Variants in RAPGEF1 observed in about 807,000 individuals in gnomAD.
The protein encoded by RAPGEF1 is Rap guanine nucleotide exchange factor 1.
RAPGEF1 carries 33 observed loss-of-function variants against 143.3 expected under a neutral mutation model. That is an observed-to-expected ratio of 0.23 (90% CI 0.17 to 0.31). The LOEUF (loss-of-function observed/expected upper bound fraction) is 0.31, where lower values mean the gene tolerates loss of function less well. RAPGEF1 is among the 10% of genes least tolerant of loss of function. The probability of loss-of-function intolerance (pLI) is 1.00; values close to 1 mark genes in which losing one functional copy is unlikely to be tolerated. For missense variants in RAPGEF1, 1,199 were observed against 1,645.4 expected (o/e 0.73, Z 4.69); for synonymous variants, 629 against 676.5 (o/e 0.93, Z 1.09).
chr9:131,711,631 T>A (rs964000569), intron 1 of RAPGEF1, among the ~76,000 whole-genome samples: 1 of 152,260 alleles, frequency 6.6e-6, no homozygotes, highest in African/African-American at 2.4e-5. Flanking sequence ...GTGCTGGGAT[T>A]ACAGGCGTGA....
intron 12 of RAPGEF1, among the ~76,000 whole-genome samples, chr9:131,611,905 T>C (rs1958069535): frequency 6.6e-6 from 1 of 152,212 alleles, no homozygotes; most frequent in South Asian, 2.1e-4. Flanking sequence ...AATGTTAATC[T>C]AACGCTGTAT....
intron 1 of RAPGEF1, among the ~76,000 whole-genome samples, chr9:131,736,035 T>C (rs968608833): frequency 6.6e-6 from 1 of 152,202 alleles, no homozygotes; most frequent in African/African-American, 2.4e-5. Flanking sequence ...AATGTCTTTA[T>C]TGGAAGATAT....
intron 1 of RAPGEF1, among the ~76,000 whole-genome samples, chr9:131,681,936 T>C (rs1423163225): frequency 6.6e-6 from 1 of 152,200 alleles, no homozygotes; most frequent in Admixed American, 6.5e-5. Context: ...GGATATAGTG[T>C]TGCAGTTATT....
At position 131,628,794 on chromosome 9, in the gene RAPGEF1, C is replaced by G; in HGVS notation, c.894-122G>C. ...AGACTCTCCACACCCAATGTTCACA[C>G]TTCAACTCCTGCCTACTCCCCTCCG... On this transcript the variant is annotated intron_variant, in intron 7 of 26. Coordinates refer to ENST00000683357, the MANE Select transcript of RAPGEF1 (RefSeq NM_001377935.1). This position sits in a 1 kb window ranked among gnomAD's most constrained non-coding sequence, Gnocchi z 5.7. The G allele has an allele frequency of 2.3e-6, 3 of 1,324,186 alleles. No homozygotes were observed. Among genetic ancestry groups the G allele is most frequent in the Non-Finnish European group, 3.1e-6 (3 of 973,670 alleles). The allele number at this position is 1,324,186 out of a possible 1,614,324, so 82.0% of individuals were successfully genotyped here. A position where few individuals can be genotyped will look rare whatever the true frequency, so the allele number is the denominator to read the frequency against.
At position 131,580,511 on chromosome 9, in the gene RAPGEF1, A is replaced by C. The variant is rs1489708935; in HGVS notation, c.3513-120T>G. ...AGCTTCCAAACCCCAGAGCAAACCA[A>C]AGAGCCAGTCTGAGGTGTCTGTTTC... On this transcript the variant is annotated intron_variant, in intron 25 of 26. Coordinates refer to ENST00000683357, the MANE Select transcript of RAPGEF1 (RefSeq NM_001377935.1). The C allele has an allele frequency of 5.7e-6, 7 of 1,223,404 alleles. No individual in the cohort carries two copies. The Admixed American group carries it at 7.0e-5, about 12-fold the overall frequency. The allele number at this position is 1,223,404 out of a possible 1,614,324, so 75.8% of individuals were successfully genotyped here.
chr9:131,663,334 C>A (rs1029626804), intron 1 of RAPGEF1, among the ~76,000 whole-genome samples: 1 of 152,192 alleles, frequency 6.6e-6, no homozygotes, highest in Non-Finnish European at 1.5e-5. Flanking sequence ...CTGTCTCTCT[C>A]CTAGGAACAA....
chr9:131,674,446 ATC>A (rs1831945149), intron 1 of RAPGEF1, among the ~76,000 whole-genome samples: 1 of 152,166 alleles, frequency 6.6e-6, no homozygotes, highest in Admixed American at 6.5e-5. Flanking sequence ...AGGAGCTCAG[ATC>A]TCTGTGTTAT....
At chr9:131,661,002 C>T (rs892527798) in intron 1 of RAPGEF1, among the ~76,000 whole-genome samples, 6 of 152,212 alleles carry the variant, frequency 3.9e-5, no homozygotes, top group African/African-American at 1.4e-4. Flanking sequence ...TGAGCTACCA[C>T]CACAAACATG....
Position 131,621,832 on chromosome 9 carries a change from G to C in RAPGEF1, c.1869C>G (p.Ala623=). 6.2e-7 allele frequency: 1 copy of C among 1,610,536 alleles called. No individual in the cohort carries two copies. The highest frequency in any genetic ancestry group is 8.5e-7 in the Non-Finnish European group (1 of 1,178,516). Residue 623 remains alanine, a synonymous_variant, in exon 11 of 27, where the codon GCC becomes GCG. Transcript: ENST00000683357. This position sits in a 1 kb window ranked among gnomAD's most constrained non-coding sequence, Gnocchi z 4.5. ...FSGVDSVQEL[A]PPPALPPKQR... Reference sequence around the variant, plus strand: ...GCTTGGGGGGTAGGGCGGGCGGCGGGGCCAGCTCCTGCACGGAGTCCACCC... The same window carrying C: ...GCTTGGGGGGTAGGGCGGGCGGCGGCGCCAGCTCCTGCACGGAGTCCACCC...
chr9:131,690,075 G>A (rs761275743), intron 1 of RAPGEF1, among the ~76,000 whole-genome samples: 8 of 152,114 alleles, frequency 5.3e-5, no homozygotes, highest in Non-Finnish European at 1.2e-4. Flanking sequence ...AAGAAATGGT[G>A]CTCATGTACA....
Position 131,628,083 on chromosome 9 carries a change from T to G in RAPGEF1, c.1031A>C (p.Asp344Ala). 6.5e-7 allele frequency: 1 copy of G among 1,546,478 alleles called. No individual in the cohort carries two copies. The highest frequency in any genetic ancestry group is 8.7e-7 in the Non-Finnish European group (1 of 1,145,424). ...VGINRQDFDV[D>A]CYAQRRLSGG... ...TGACAGTCGCCTCTGTGCGTAACAGTCAACATCAAAATCCTCAAGTGGAAA... is the reference window on the plus strand; with the variant it reads ...TGACAGTCGCCTCTGTGCGTAACAGGCAACATCAAAATCCTCAAGTGGAAA... Residue 344 changes from aspartate to alanine, a missense_variant, in exon 9 of 27, where the codon GAC becomes GCC. By Grantham distance (126) the Asp-to-Ala change is moderately radical (BLOSUM62 -2). Coordinates refer to ENST00000683357, the MANE Select transcript of RAPGEF1 (RefSeq NM_001377935.1). The surrounding 1 kb of genome is among the most constrained non-coding windows in gnomAD (Gnocchi z 5.7).
At position 131,628,699 on chromosome 9, in the gene RAPGEF1, G is replaced by A. The variant is rs1335554638; in HGVS notation, c.894-27C>T. On this transcript the variant is annotated intron_variant, in intron 7 of 26. Transcript: ENST00000683357. This position sits in a 1 kb window ranked among gnomAD's most constrained non-coding sequence, Gnocchi z 5.7. ...TGAAACAGACCGAAACGTCCAGGCA[G>A]ACCAAACCACACTCACCAAAGCTCT... 4 of 1,571,980 alleles carry A rather than the reference G, an allele frequency of 2.5e-6. No homozygotes were observed. Among genetic ancestry groups the A allele is most frequent in the Non-Finnish European group, 3.5e-6 (4 of 1,153,526 alleles).
intron 14 of RAPGEF1, among the ~76,000 whole-genome samples, chr9:131,602,941 T>G (rs567209309): frequency 1.3e-5 from 2 of 152,274 alleles, no homozygotes; most frequent in South Asian, 2.1e-4. Context: ...AGTGTCACAG[T>G]GGAGGGAGAG....
intron 1 of RAPGEF1, among the ~76,000 whole-genome samples, chr9:131,715,252 C>T (rs1016708334): frequency 3.3e-5 from 5 of 152,080 alleles, no homozygotes; most frequent in Admixed American, 2.0e-4. Context: ...TTAGTTATCC[C>T]GGTGATCAGT....
At position 131,739,837 on chromosome 9, in the gene RAPGEF1, C is replaced by T; in HGVS notation, c.-7G>A. On this transcript the variant is annotated 5_prime_UTR_variant, in exon 1 of 27. Coordinates refer to ENST00000683357, the MANE Select transcript of RAPGEF1 (RefSeq NM_001377935.1). ...GGCCGAGGCCGCCGCTCATCGGGCC[C>T]GGGCCGGGCCGCCGCGGGGCGACAG... 9.7e-7 allele frequency: 1 copy of T among 1,031,252 alleles called. No homozygotes were observed. Among genetic ancestry groups the T allele is most frequent in the Non-Finnish European group, 1.2e-6 (1 of 863,738 alleles). 63.9% of individuals were successfully genotyped at this position (1,031,252 alleles called of 1,614,324 possible). A position where few individuals can be genotyped will look rare whatever the true frequency, so the allele number is the denominator to read the frequency against.
chr9:131,654,672 AG>A (rs1381819591), intron 1 of RAPGEF1, among the ~76,000 whole-genome samples: 1 of 152,256 alleles, frequency 6.6e-6, no homozygotes, highest in African/African-American at 2.4e-5. Flanking sequence ...CCTGGGCAAC[AG>A]AGCGAGACCC....
chr9:131,650,375 G>C lies in RAPGEF1; in HGVS notation c.202-133C>G. 4.5e-6 allele frequency: 3 copies of C among 661,156 alleles called. No individual in the cohort carries two copies. The highest frequency in any genetic ancestry group is 7.7e-6 in the Non-Finnish European group (3 of 388,524). 41.0% of individuals were successfully genotyped at this position (661,156 alleles called of 1,614,324 possible). On this transcript the variant is annotated intron_variant, in intron 2 of 26. Coordinates refer to ENST00000683357, the MANE Select transcript of RAPGEF1 (RefSeq NM_001377935.1). This position sits in a 1 kb window ranked among gnomAD's most constrained non-coding sequence, Gnocchi z 4.7. ...GGCCCTGCTGAGGCCACTAACTCTT[G>C]AGGACATCTTTGGCTGTGTCTCAAG...
intron 12 of RAPGEF1, among the ~76,000 whole-genome samples, chr9:131,609,822 A>G (rs1266532094): frequency 6.6e-6 from 1 of 152,046 alleles, no homozygotes; most frequent in Non-Finnish European, 1.5e-5. Flanking sequence ...CCTTCTCTCT[A>G]TTATAGTCCT....
chr9:131,702,706 T>A (rs941661005), intron 1 of RAPGEF1, among the ~76,000 whole-genome samples: 5 of 152,208 alleles, frequency 3.3e-5, no homozygotes, highest in African/African-American at 1.2e-4. Flanking sequence ...TGGGAACTTA[T>A]CCTAAGGACA....
Sources: gnomAD v4.1 joint callset for allele counts (sites outside exome capture counted in the v4.1 genomes callset) on GRCh38, gnomAD v4.1.1 for gene constraint, Gnocchi (gnomAD v3.1) non-coding constraint, MANE v1.5 for transcripts, NCBI Gene and HGNC (gene_info 2026-07-23, HGNC 2026-07-21) for gene names.